LNX1: variants seen among roughly 807,000 people sequenced by gnomAD.
LNX1 encodes E3 ubiquitin-protein ligase LNX.
LNX1 carries 54 observed loss-of-function variants against 68.4 expected under a neutral mutation model. The observed-to-expected ratio is 0.79, with a 90% CI of 0.63 to 0.99. The LOEUF (loss-of-function observed/expected upper bound fraction) is 0.99, where lower values mean the gene tolerates loss of function less well. Among genes scored for constraint, LNX1 ranks in the 50% least tolerant of loss-of-function variants. The pLI is 0.00. For synonymous variants in LNX1, 336 were observed against 350.0 expected, an observed-to-expected ratio of 0.96 and a Z score of 0.45; for missense variants, 906 against 926.4, an observed-to-expected ratio of 0.98 and a Z score of 0.29.
At chr4:53,633,856 C>T (rs1346266246) in intron 1 of LNX1, among the ~76,000 whole-genome samples, 1 of 152,116 alleles carries the variant, frequency 6.6e-6, no homozygotes, top group Non-Finnish European at 1.5e-5. Context: ...GCATAACCTT[C>T]TTAGGGCCGT....
intron 6 of LNX1, among the ~76,000 whole-genome samples, chr4:53,487,118 TTTG>T (rs1724362876): frequency 6.6e-6 from 1 of 151,734 alleles, no homozygotes; most frequent in Non-Finnish European, 1.5e-5. Context: ...GTAACATAGA[TTTG>T]CAACTTCCCA....
At chr4:53,518,628 C>T (rs1443031023) in intron 2 of LNX1, among the ~76,000 whole-genome samples, 3 of 152,148 alleles carry the variant, frequency 2.0e-5, no homozygotes, top group African/African-American at 7.2e-5. Context: ...TATACTCCCA[C>T]TTTACTAATT....
chr4:53,460,408 A>T lies in LNX1; in HGVS notation c.*499T>A, dbSNP rs865994975. On this transcript the variant is annotated 3_prime_UTR_variant, in exon 11 of 11. Coordinates refer to ENST00000263925, the MANE Select transcript of LNX1 (RefSeq NM_001126328.3). ...AATTACTAGGATCTTTTAAATAGTG[A>T]TAATACAAAAGTAATCTTAATTAGT... 39 of 189,570 alleles carry T rather than the reference A, an allele frequency of 2.1e-4. 1 individual carries two copies. The highest frequency in any genetic ancestry group is 8.6e-4 in the African/African-American group (37 of 42,992). 11.7% of individuals were successfully genotyped at this position (189,570 alleles called of 1,614,324 possible).
At chr4:53,488,767 C>A (rs1489654036) in intron 6 of LNX1, among the ~76,000 whole-genome samples, 1 of 152,120 alleles carries the variant, frequency 6.6e-6, no homozygotes, top group African/African-American at 2.4e-5. Context: ...CCACATGATG[C>A]CATACAGACC....
intron 4 of LNX1, among the ~76,000 whole-genome samples, chr4:53,504,121 C>A (rs562590701): frequency 6.6e-6 from 1 of 152,192 alleles, no homozygotes; most frequent in African/African-American, 2.4e-5. Context: ...GGCTACAGAG[C>A]GAGCGAGACT....
intron 2 of LNX1, among the ~76,000 whole-genome samples, chr4:53,517,602 G>A (rs1726882760): frequency 6.6e-6 from 1 of 152,168 alleles, no homozygotes. Context: ...TACGTTCTAC[G>A]TGTCACCTCA....
chr4:53,611,834 G>A (rs114894604), intron 2 of LNX1, among the ~76,000 whole-genome samples: 2,191 of 152,200 alleles, frequency 0.014, 23 homozygotes, highest in Middle Eastern at 0.041. Flanking sequence ...TATAATGGGG[G>A]TAGGACAAAC....
intron 9 of LNX1, among the ~76,000 whole-genome samples, chr4:53,465,482 C>G (rs1722608449): frequency 6.6e-6 from 1 of 152,180 alleles, no homozygotes. Flanking sequence ...GAAGGAGGCA[C>G]TGTATTAAGT....
chr4:53,561,046 T>G (rs1326275943), intron 2 of LNX1, among the ~76,000 whole-genome samples: 1 of 152,176 alleles, frequency 6.6e-6, no homozygotes, highest in African/African-American at 2.4e-5. Flanking sequence ...CCTATTTTCT[T>G]GCTTCTTTTC....
At chr4:53,535,947 T>C (rs1237211674) in intron 2 of LNX1, among the ~76,000 whole-genome samples, 2 of 152,182 alleles carry the variant, frequency 1.3e-5, no homozygotes, top group Non-Finnish European at 2.9e-5. Context: ...TACCAAAGGA[T>C]TGGACTTAGT....
At chr4:53,560,100 T>G (rs886326406) in intron 2 of LNX1, among the ~76,000 whole-genome samples, 3 of 152,216 alleles carry the variant, frequency 2.0e-5, no homozygotes, top group African/African-American at 7.2e-5. Context: ...TATAGTCTTA[T>G]CCTAAATATG....
At chr4:53,493,713 C>T (rs1317865704) in intron 6 of LNX1, among the ~76,000 whole-genome samples, 1 of 152,218 alleles carries the variant, frequency 6.6e-6, no homozygotes, top group African/African-American at 2.4e-5. Context: ...CAGGGCTAGT[C>T]AGTTACTGCT....
chr4:53,564,029 C>T (rs1730465098), intron 2 of LNX1, among the ~76,000 whole-genome samples: 1 of 152,230 alleles, frequency 6.6e-6, no homozygotes, highest in African/African-American at 2.4e-5. Flanking sequence ...TGGGGGCATC[C>T]TCTCCAGAGA....
At chr4:53,615,301 C>T (rs1164618428) in intron 2 of LNX1, among the ~76,000 whole-genome samples, 1 of 152,194 alleles carries the variant, frequency 6.6e-6, no homozygotes, top group Non-Finnish European at 1.5e-5. Flanking sequence ...GAGGCTGCTT[C>T]TCCCAACAGG....
rs149923767 is a variant in LNX1 at position 53,573,495 on chromosome 4, A to T, written c.380+128T>A. ...CTCACACTGAATCATGACCATAAAC[A>T]CCTAGCTGTTTTTTTATTTTGAATG... On this transcript the variant is annotated intron_variant, in intron 2 of 10. Coordinates refer to ENST00000263925, the MANE Select transcript of LNX1 (RefSeq NM_001126328.3). 2,499 of 632,530 alleles carry T rather than the reference A, an allele frequency of 4.0e-3. 48 individuals carry two copies. The African/African-American group carries it at 0.041, about 10-fold the overall frequency. 39.2% of individuals were successfully genotyped at this position (632,530 alleles called of 1,614,324 possible).
At chr4:53,552,615 G>A (rs1293980775) in intron 2 of LNX1, among the ~76,000 whole-genome samples, 12 of 152,096 alleles carry the variant, frequency 7.9e-5, no homozygotes, top group African/African-American at 2.9e-4. Flanking sequence ...GATCACCTGA[G>A]ATCAGGAGTT....
Position 53,478,717 on chromosome 4 carries a change from T to G in LNX1, c.1511A>C (p.His504Pro). 3 of 1,614,024 alleles carry G rather than the reference T, an allele frequency of 1.9e-6. No homozygotes were observed. Among genetic ancestry groups the G allele is most frequent in the South Asian group, 1.1e-5 (1 of 91,056 alleles). Reference protein sequence around the residue: ...PKPLHPTITCHEKVVNIQKDP... With the variant: ...PKPLHPTITCPEKVVNIQKDP... Reference sequence around the variant, plus strand: ...TTTTTGGATATTTACCACCTTCTCATGACAAGTAATTGTAGGATGGAGGGG... The same window carrying G: ...TTTTTGGATATTTACCACCTTCTCAGGACAAGTAATTGTAGGATGGAGGGG... Residue 504 changes from histidine to proline, a missense_variant, in exon 8 of 11, where the codon CAT becomes CCT. Coordinates refer to ENST00000263925, the MANE Select transcript of LNX1 (RefSeq NM_001126328.3).
At chr4:53,487,607 A>G (rs1724394114) in intron 6 of LNX1, among the ~76,000 whole-genome samples, 1 of 152,144 alleles carries the variant, frequency 6.6e-6, no homozygotes, top group Non-Finnish European at 1.5e-5. Flanking sequence ...CGTGTTGTTC[A>G]AAGTAGGCAG....
intron 9 of LNX1, among the ~76,000 whole-genome samples, chr4:53,474,827 C>T (rs553852343): frequency 9.9e-5 from 15 of 151,908 alleles, no homozygotes; most frequent in African/African-American, 1.7e-4. Context: ...AGTGCAGTGG[C>T]GCGATCTCAG....
Sources: gnomAD v4.1 joint callset for allele counts (sites outside exome capture counted in the v4.1 genomes callset) on GRCh38, gnomAD v4.1.1 for gene constraint, MANE v1.5 for transcripts, NCBI Gene and HGNC (gene_info 2026-07-23, HGNC 2026-07-21) for gene names.